WASF2: variants seen among roughly 807,000 people sequenced by gnomAD.
WASF2 encodes the protein actin-binding protein WASF2.
A neutral mutation model predicts 45.0 loss-of-function variants in WASF2; 14 were observed. That is an observed-to-expected ratio of 0.31 (90% CI 0.21 to 0.49). The LOEUF is 0.49. Among genes scored for constraint, WASF2 ranks in the 20% least tolerant of loss-of-function variants. WASF2 has a pLI of 0.99. For synonymous variants in WASF2, 200 were observed against 236.3 expected, an observed-to-expected ratio of 0.85 and a Z score of 1.41; for missense variants, 439 against 636.1, an observed-to-expected ratio of 0.69 and a Z score of 3.33.
At chr1:27,425,586 C>T (rs2016967478) in intron 2 of WASF2, among the ~76,000 whole-genome samples, 1 of 152,192 alleles carries the variant, frequency 6.6e-6, no homozygotes, top group Non-Finnish European at 1.5e-5. Context: ...CGCTTGTAAT[C>T]CCGGCACTCT....
intron 1 of WASF2, among the ~76,000 whole-genome samples, chr1:27,433,079 T>C (rs545677617): frequency 7.2e-5 from 11 of 152,350 alleles, no homozygotes; most frequent in Non-Finnish European, 1.5e-4. Flanking sequence ...TTGATAAATA[T>C]TTAAAAATAC....
intron 1 of WASF2, among the ~76,000 whole-genome samples, chr1:27,478,380 A>G (rs2017800350): frequency 6.6e-6 from 1 of 152,088 alleles, no homozygotes; most frequent in African/African-American, 2.4e-5. Flanking sequence ...GTTCGTATAC[A>G]CATTAACATG....
At chr1:27,431,399 G>T (rs1174892550) in intron 1 of WASF2, among the ~76,000 whole-genome samples, 1 of 152,126 alleles carries the variant, frequency 6.6e-6, no homozygotes, top group Non-Finnish European at 1.5e-5. Flanking sequence ...AACAGGAAAG[G>T]TGGGAGGAGG....
chr1:27,430,701 C>T (rs976525050), intron 1 of WASF2, among the ~76,000 whole-genome samples: 25 of 151,754 alleles, frequency 1.6e-4, no homozygotes, highest in African/African-American at 5.8e-4. Flanking sequence ...TGCAATGGTG[C>T]GATCACAGCT....
intron 1 of WASF2, among the ~76,000 whole-genome samples, chr1:27,462,093 T>C (rs1429812802): frequency 6.6e-6 from 1 of 151,602 alleles, no homozygotes; most frequent in Non-Finnish European, 1.5e-5. Flanking sequence ...TTCTCCTGCC[T>C]CAGCCTCCCA....
chr1:27,437,473 T>A (rs1007042140), intron 1 of WASF2, among the ~76,000 whole-genome samples: 3 of 152,222 alleles, frequency 2.0e-5, no homozygotes, highest in Non-Finnish European at 4.4e-5. Flanking sequence ...TGCAAAGTAT[T>A]CTGAGCTCTG....
intron 1 of WASF2, among the ~76,000 whole-genome samples, chr1:27,442,370 C>T (rs1299839135): frequency 1.3e-5 from 2 of 151,800 alleles, no homozygotes; most frequent in East Asian, 2.0e-4. Flanking sequence ...ATGGTAAAAC[C>T]CCGTCTCTAC....
chr1:27,449,458 G>C (rs746423767), intron 1 of WASF2, among the ~76,000 whole-genome samples: 3 of 152,040 alleles, frequency 2.0e-5, no homozygotes, highest in African/African-American at 4.8e-5. Flanking sequence ...AATTAGCTGG[G>C]CATGGTGGCG....
intron 1 of WASF2, among the ~76,000 whole-genome samples, chr1:27,441,253 G>A (rs2017223710): frequency 6.6e-6 from 1 of 152,126 alleles, no homozygotes; most frequent in South Asian, 2.1e-4. Flanking sequence ...AGCACTTTGG[G>A]AGGCCAAGGT....
chr1:27,423,680 C>T (rs1483932905), intron 2 of WASF2, among the ~76,000 whole-genome samples: 4 of 152,152 alleles, frequency 2.6e-5, no homozygotes, highest in African/African-American at 9.7e-5. Context: ...ACCCAATATC[C>T]ATCATTATCC....
rs143222089 is a variant in WASF2 at position 27,454,476 on chromosome 1, A to G, written c.-43-25543T>C. ...GAGATCCTCCCAAGTAGCTGGGACC[A>G]CAGGCAGGCACCACCAATGCCCAGC... On this transcript the variant is annotated intron_variant, in intron 1 of 8. Coordinates refer to ENST00000618852, the MANE Select transcript of WASF2 (RefSeq NM_006990.5). Among the ~76,000 whole-genome samples, 34 of 151,898 alleles carry G rather than the reference A, an allele frequency of 2.2e-4. No individual in the cohort carries two copies. In the East Asian group the frequency reaches 3.1e-3, roughly 14 times the overall value.
intron 1 of WASF2, among the ~76,000 whole-genome samples, chr1:27,432,407 G>C (rs1571133923): frequency 6.6e-6 from 1 of 152,046 alleles, no homozygotes; most frequent in Admixed American, 6.5e-5. Context: ...CCAGCACTTT[G>C]GGAGGCCGAG....
intron 1 of WASF2, among the ~76,000 whole-genome samples, chr1:27,481,209 C>T (rs1283977297): frequency 1.3e-5 from 2 of 149,128 alleles, no homozygotes; most frequent in African/African-American, 2.5e-5. Context: ...GAGGCTGAGG[C>T]AGGAGAATCA....
chr1:27,485,632 A>G (rs1295402052), intron 1 of WASF2, among the ~76,000 whole-genome samples: 1 of 152,108 alleles, frequency 6.6e-6, no homozygotes, highest in Non-Finnish European at 1.5e-5. Context: ...CTTCTATGTA[A>G]TATTGTTTTT....
Position 27,415,097 on chromosome 1 carries a change from G to C in WASF2, c.538-134C>G, listed in dbSNP as rs1376793419. 2.6e-5 allele frequency: 31 copies of C among 1,207,890 alleles called. No individual in the cohort carries two copies. In the Admixed American group the frequency reaches 4.9e-4, roughly 19 times the overall value. 74.8% of individuals were successfully genotyped at this position (1,207,890 alleles called of 1,614,324 possible). ...ACATACAATAACTACAGAACTTACAGAATTACTGGGTTTGAAGTGACCCAG... is the reference window on the plus strand; with the variant it reads ...ACATACAATAACTACAGAACTTACACAATTACTGGGTTTGAAGTGACCCAG... On this transcript the variant is annotated intron_variant, in intron 5 of 8. Transcript: ENST00000618852.
chr1:27,445,105 A>G (rs1388068940), intron 1 of WASF2, among the ~76,000 whole-genome samples: 1 of 152,232 alleles, frequency 6.6e-6, no homozygotes, highest in Non-Finnish European at 1.5e-5. Context: ...TAGTAGCAAC[A>G]GCAACTATCT....
chr1:27,429,006 T>C, intron 1 of WASF2, 73 bp from the exon 2 acceptor site: 1 of 1,240,834 alleles, frequency 8.1e-7, no homozygotes, highest in Non-Finnish European at 1.1e-6. Flanking sequence ...TGAATCTTTT[T>C]TTTTTTTTTT....
At chr1:27,412,032 TTTCA>T (rs1236403217) in intron 7 of WASF2, among the ~76,000 whole-genome samples, 1 of 152,216 alleles carries the variant, frequency 6.6e-6, no homozygotes, top group African/African-American at 2.4e-5. Flanking sequence ...CTTTGGGTCA[TTTCA>T]TTGACCCCTC....
At chr1:27,444,110 T>TG in intron 1 of WASF2, among the ~76,000 whole-genome samples, 1 of 152,150 alleles carries the variant, frequency 6.6e-6, no homozygotes, top group East Asian at 1.9e-4. Context: ...AGACAGGGTC[T>TG]GGCTCAGTCA....
Sources: allele counts gnomAD v4.1 joint callset (sites outside exome capture counted in the v4.1 genomes callset), GRCh38; gene constraint gnomAD v4.1.1; transcripts MANE v1.5; gene names NCBI Gene and HGNC (gene_info 2026-07-23, HGNC 2026-07-21).